Variants in MBD5 observed in about 807,000 individuals in gnomAD.
The protein encoded by MBD5 is methyl-CpG-binding domain protein 5.
A neutral mutation model predicts 117.3 loss-of-function variants in MBD5; 13 were observed. The observed-to-expected ratio is 0.11, with a 90% CI of 0.07 to 0.18. The LOEUF is 0.18. Ranked by LOEUF, MBD5 falls within the 10% of genes least tolerant of loss-of-function variation. The pLI, the probability that MBD5 is intolerant of heterozygous loss-of-function variation, is 1.00. For missense variants in MBD5, 1,879 were observed against 2,093.8 expected (o/e 0.90, Z 2.00); for synonymous variants, 727 against 766.4 (o/e 0.95, Z 0.85).
rs188888016 is a variant in MBD5, at chr2:148,239,654, A to T, written c.-680+6259A>T. Among the ~76,000 whole-genome samples the T allele has an allele frequency of 1.7e-3, 246 of 147,262 alleles. 2 individuals are homozygous for T. The Middle Eastern group carries it at 0.025, about 15-fold the overall frequency. On this transcript the variant is annotated intron_variant, in intron 3 of 13. Coordinates refer to ENST00000642680, the MANE Select transcript of MBD5 (RefSeq NM_001378120.1). ...TAAGAAATTAAGAAAAATTATTGACATTTCAAAATGAACAAGTTTATTTTA... is the reference window on the plus strand; with the variant it reads ...TAAGAAATTAAGAAAAATTATTGACTTTTCAAAATGAACAAGTTTATTTTA...
At chr2:148,057,669 A>G (rs535902538) in intron 1 of MBD5, among the ~76,000 whole-genome samples, 11 of 152,078 alleles carry the variant, frequency 7.2e-5, no homozygotes, top group Admixed American at 4.6e-4. Flanking sequence ...TTTAAATTCA[A>G]TGTGCTAGAA....
At position 148,228,860 on chromosome 2, in the gene MBD5, T is replaced by G. The variant is rs188973352; in HGVS notation, c.-830-4385T>G. Among the ~76,000 whole-genome samples, 7 of 152,342 alleles carry G rather than the reference T, an allele frequency of 4.6e-5. No individual in the cohort carries two copies. In the East Asian group the frequency reaches 1.3e-3, roughly 29 times the overall value. ...TGGGAGAGTGTATGTGTCAAGGAAT[T>G]TATCCATTTCTTCTAGATTTTCTAA... On this transcript the variant is annotated intron_variant, in intron 2 of 13. Coordinates refer to ENST00000642680, the MANE Select transcript of MBD5 (RefSeq NM_001378120.1).
intron 2 of MBD5, among the ~76,000 whole-genome samples, chr2:148,186,705 T>C (rs991719050): frequency 3.9e-5 from 6 of 152,264 alleles, no homozygotes; most frequent in Admixed American, 6.5e-5. Context: ...AAGAGCCAGA[T>C]GGGAAGACAA....
At position 148,157,014 on chromosome 2, in the gene MBD5, C is replaced by T. The variant is rs570075814; in HGVS notation, c.-924-21686C>T. Among the ~76,000 whole-genome samples, 40 of 152,192 alleles carry T rather than the reference C, an allele frequency of 2.6e-4. No individual in the cohort carries two copies. The East Asian group carries it at 5.6e-3, about 21-fold the overall frequency. On this transcript the variant is annotated intron_variant, in intron 1 of 13. Coordinates refer to ENST00000642680, the MANE Select transcript of MBD5 (RefSeq NM_001378120.1). ...ACTTGGTACATTATTATAGTTTATA[C>T]GATTTTTAAAATTCTTTACTTTCAG...
chr2:148,486,887 C>T (rs1417017390), intron 10 of MBD5, among the ~76,000 whole-genome samples: 1 of 152,140 alleles, frequency 6.6e-6, no homozygotes, highest in East Asian at 1.9e-4. Flanking sequence ...AATTTGATAG[C>T]ATATCAGATT....
intron 1 of MBD5, among the ~76,000 whole-genome samples, chr2:148,059,400 G>A (rs569841781): frequency 1.3e-4 from 20 of 152,166 alleles, no homozygotes; most frequent in South Asian, 8.3e-4. Flanking sequence ...TGCGGTTACC[G>A]TTACTGTTAA....
intron 1 of MBD5, among the ~76,000 whole-genome samples, chr2:148,139,824 T>C (rs891782082): frequency 6.6e-6 from 1 of 152,152 alleles, no homozygotes; most frequent in African/African-American, 2.4e-5. Flanking sequence ...TTCCCTGGCT[T>C]GGTGGGCCCC....
chr2:148,179,999 C>CCT (rs1698485062), intron 2 of MBD5, among the ~76,000 whole-genome samples: 1 of 151,996 alleles, frequency 6.6e-6, no homozygotes, highest in Non-Finnish European at 1.5e-5. Context: ...CCAAGTAAAA[C>CCT]AGTTTACAGC....
intron 2 of MBD5, among the ~76,000 whole-genome samples, chr2:148,230,217 C>G (rs1368056014): frequency 6.6e-6 from 1 of 152,176 alleles, no homozygotes; most frequent in Non-Finnish European, 1.5e-5. Context: ...TCTCAGAAGT[C>G]TACCTGGTGT....
At chr2:148,089,050 G>A (rs1284842399) in intron 1 of MBD5, among the ~76,000 whole-genome samples, 1 of 152,082 alleles carries the variant, frequency 6.6e-6, no homozygotes, top group Non-Finnish European at 1.5e-5. Context: ...AGCAGGAATA[G>A]CTGTCCTTAT....
At chr2:148,245,104 A>T (rs1700305223) in intron 3 of MBD5, among the ~76,000 whole-genome samples, 1 of 152,220 alleles carries the variant, frequency 6.6e-6, no homozygotes, top group Non-Finnish European at 1.5e-5. Flanking sequence ...TTTACTTAGA[A>T]GTTAAGCACT....
intron 4 of MBD5, among the ~76,000 whole-genome samples, chr2:148,420,970 C>T (rs1402124878): frequency 6.6e-6 from 1 of 152,106 alleles, no homozygotes; most frequent in Non-Finnish European, 1.5e-5. Flanking sequence ...CTCAAGTGAT[C>T]CACCTGTCTT....
chr2:148,071,550 T>G (rs921615163), intron 1 of MBD5: 1 of 152,224 alleles, frequency 6.6e-6, no homozygotes, highest in African/African-American at 2.4e-5. Context: ...TTATAGACTT[T>G]GGAACTTACA....
At chr2:148,368,100 G>A (rs1012297572) in intron 4 of MBD5, among the ~76,000 whole-genome samples, 1 of 152,136 alleles carries the variant, frequency 6.6e-6, no homozygotes, top group African/African-American at 2.4e-5. Context: ...TGATAGACTG[G>A]ATTAAGAAAA....
In MBD5 at chr2:148,221,763, T is replaced by A. The variant is rs531277014; in HGVS notation, c.-830-11482T>A. Among the ~76,000 whole-genome samples the A allele has an allele frequency of 3.3e-5, 5 of 152,248 alleles. No individual in the cohort carries two copies. The East Asian group carries it at 9.6e-4, about 29-fold the overall frequency. On this transcript the variant is annotated intron_variant, in intron 2 of 13. Coordinates refer to ENST00000642680, the MANE Select transcript of MBD5 (RefSeq NM_001378120.1). The stretch of plus-strand genomic sequence containing the variant: ...TGTGCAGAAACTTCTTAAGTTGATA[T>A]GATCCCATTTGTCTATTTTTGTTTT...
At chr2:148,308,355 T>C (rs1701944044) in intron 3 of MBD5, among the ~76,000 whole-genome samples, 1 of 152,178 alleles carries the variant, frequency 6.6e-6, no homozygotes, top group Non-Finnish European at 1.5e-5. Context: ...AGATGGTATC[T>C]CATTGTGGTT....
intron 5 of MBD5, among the ~76,000 whole-genome samples, chr2:148,462,055 T>C (rs187758676): frequency 6.6e-6 from 1 of 152,254 alleles, no homozygotes; most frequent in Admixed American, 6.5e-5. Flanking sequence ...AAGGGGGAGA[T>C]AAAAGAAACC....
intron 1 of MBD5, among the ~76,000 whole-genome samples, chr2:148,100,546 A>G (rs1355586180): frequency 1.3e-5 from 2 of 152,168 alleles, no homozygotes; most frequent in African/African-American, 4.8e-5. Context: ...TCGGGGTCTC[A>G]ACTTGAGGAC....
chr2:148,207,693 A>G (rs1451515214), intron 2 of MBD5, among the ~76,000 whole-genome samples: 2 of 27,840 alleles, frequency 7.2e-5, no homozygotes, highest in African/African-American at 1.1e-4. Context: ...AGAAGTTAGG[A>G]AAAAAAAAAA....
Sources: allele counts gnomAD v4.1 joint callset (sites outside exome capture counted in the v4.1 genomes callset), GRCh38; gene constraint gnomAD v4.1.1; transcripts MANE v1.5; gene names NCBI Gene and HGNC (gene_info 2026-07-23, HGNC 2026-07-21).